PCDHA13: variants seen among roughly 807,000 people sequenced by gnomAD.
The protein encoded by PCDHA13 is protocadherin alpha-13.
Under a neutral mutation model 64.8 loss-of-function variants are expected in PCDHA13, and 54 were observed. The ratio of observed to expected loss-of-function variants is 0.83; its 90% CI spans 0.67 to 1.04. PCDHA13 has a LOEUF of 1.04. PCDHA13 is among the 50% of genes least tolerant of loss of function. The pLI is 0.00. For missense variants in PCDHA13, 1,248 were observed against 1,254.3 expected (o/e 0.99, Z 0.08); for synonymous variants, 587 against 564.4 (o/e 1.04, Z -0.57).
chr5:140,968,330 G>A (rs1314697989), intron 1 of PCDHA13: 2 of 1,613,974 alleles, frequency 1.2e-6, no homozygotes, highest in East Asian at 2.2e-5. Context: ...CACCTCCTAT[G>A]TCTCCATTAA....
At chr5:140,927,157 G>T (rs868936673) in intron 1 of PCDHA13, 1 of 1,614,146 alleles carries the variant, frequency 6.2e-7, no homozygotes, top group Admixed American at 1.7e-5. Flanking sequence ...GCTGTGCAGG[G>T]CCAAAGCTGC....
intron 1 of PCDHA13, among the ~76,000 whole-genome samples, chr5:140,901,078 T>TAAA (rs1554189579): frequency 6.6e-6 from 1 of 152,120 alleles, no homozygotes; most frequent in East Asian, 1.9e-4. Flanking sequence ...TTCTATAGAG[T>TAAA]TGTTTGAGCT....
At chr5:140,988,414 T>C (rs1554250128) in intron 3 of PCDHA13, among the ~76,000 whole-genome samples, 1 of 152,194 alleles carries the variant, frequency 6.6e-6, no homozygotes. Flanking sequence ...GCAGCTTATG[T>C]AAAGAATTTG....
chr5:140,929,245 A>G, intron 1 of PCDHA13: 1 of 1,613,774 alleles, frequency 6.2e-7, no homozygotes. Flanking sequence ...AAATCTTGCC[A>G]CTGGGGTAGG....
intron 3 of PCDHA13, among the ~76,000 whole-genome samples, chr5:140,984,149 G>C (rs2097089041): frequency 6.6e-6 from 1 of 152,198 alleles, no homozygotes; most frequent in Non-Finnish European, 1.5e-5. Context: ...CATCTGGGAA[G>C]GTGAGAACTT....
chr5:141,008,633 A>G (rs1212403774), intron 3 of PCDHA13, among the ~76,000 whole-genome samples: 1 of 152,212 alleles, frequency 6.6e-6, no homozygotes, highest in African/African-American at 2.4e-5. Context: ...AGTATAATTA[A>G]CAATTTCTTC....
At chr5:140,923,226 G>T (rs2081248805) in intron 1 of PCDHA13, among the ~76,000 whole-genome samples, 1 of 71,914 alleles carries the variant, frequency 1.4e-5, no homozygotes, top group Admixed American at 1.5e-4. Flanking sequence ...GATCGTTTGA[G>T]CCCAGAAGTT....
chr5:140,970,872 T>C (rs2096439604), intron 1 of PCDHA13, among the ~76,000 whole-genome samples: 3 of 152,158 alleles, frequency 2.0e-5, no homozygotes, highest in African/African-American at 7.2e-5. Flanking sequence ...TGATTGAGAG[T>C]AGATTTTTCT....
Position 140,892,963 on chromosome 5 carries a change from A to C in PCDHA13, c.2394+8301A>C, listed in dbSNP as rs138089244. Among the ~76,000 whole-genome samples, 29 of 152,284 alleles carry C rather than the reference A, an allele frequency of 1.9e-4. No individual in the cohort carries two copies. In the East Asian group the frequency reaches 5.6e-3, roughly 29 times the overall value. ...ACAATACTACTTCCATGAGCTCAAT[A>C]AAATTTTGTAGCTGCCGTATAAGTG... On this transcript the variant is annotated intron_variant, in intron 1 of 3. Transcript: ENST00000289272.
chr5:141,000,304 G>A (rs1225893261), intron 3 of PCDHA13, among the ~76,000 whole-genome samples: 1 of 147,530 alleles, frequency 6.8e-6, no homozygotes, highest in Non-Finnish European at 1.5e-5. Context: ...GAGGCCAGGA[G>A]TTCAAGACCA....
chr5:141,006,491 G>A (rs142641127), intron 3 of PCDHA13, among the ~76,000 whole-genome samples: 4,876 of 152,234 alleles, frequency 0.032, 273 homozygotes, highest in African/African-American at 0.11. Context: ...GGGATTACAT[G>A]TGTGAGCCAC....
intron 1 of PCDHA13, among the ~76,000 whole-genome samples, chr5:140,955,110 T>C (rs915501300): frequency 7.2e-5 from 11 of 152,274 alleles, no homozygotes; most frequent in African/African-American, 2.6e-4. Flanking sequence ...TTCTGAGTTC[T>C]CTATTCTGTT....
chr5:141,009,772 C>T lies in PCDHA13; in HGVS notation c.2688C>T (p.Ile896=). The T allele has an allele frequency of 1.9e-6, 3 of 1,614,158 alleles. No individual in the cohort carries two copies. Among genetic ancestry groups the T allele is most frequent in the Non-Finnish European group, 2.5e-6 (3 of 1,180,032 alleles). The stretch of plus-strand genomic sequence containing the variant: ...TCATTATCCCAGGATCTCCTGCAAT[C>T]ATCTCCATCCGGCAGGAGCCTACTA... ...DKFIIPGSPA[I]ISIRQEPTNS... Residue 896 remains isoleucine (I), a synonymous_variant, in exon 4 of 4, where the codon ATC becomes ATT. Coordinates refer to ENST00000289272, the MANE Select transcript of PCDHA13 (RefSeq NM_018904.3).
intron 1 of PCDHA13, among the ~76,000 whole-genome samples, chr5:140,914,693 G>C (rs1554196535): frequency 7.9e-5 from 12 of 151,662 alleles, no homozygotes; most frequent in Non-Finnish European, 1.8e-4. Flanking sequence ...TTCTCTGGTG[G>C]TATGATTTAA....
chr5:140,882,695 G>T lies in PCDHA13; in HGVS notation c.427G>T (p.Ala143Ser). Reference sequence around the variant, plus strand: ...TGAAAGCAAGAAACGAATAATCATTGCAGAATCTAGACCTCCGGAAACTCG... The same window carrying T: ...TGAAAGCAAGAAACGAATAATCATTTCAGAATCTAGACCTCCGGAAACTCG... ...FPESKKRIIIAESRPPETRFP... is the reference protein window; with the variant it reads ...FPESKKRIIISESRPPETRFP... The change falls in exon 1 of 4, where the codon GCA becomes TCA. Residue 143 changes from alanine (A) to serine (S), a missense_variant. Coordinates refer to ENST00000289272, the MANE Select transcript of PCDHA13 (RefSeq NM_018904.3). 1 of 1,614,192 alleles carries T rather than the reference G, an allele frequency of 6.2e-7. No homozygotes were observed. The highest frequency in any genetic ancestry group is 8.5e-7 in the Non-Finnish European group (1 of 1,180,046).
intron 1 of PCDHA13, among the ~76,000 whole-genome samples, chr5:140,918,920 G>A (rs1470075085): frequency 6.6e-6 from 1 of 152,204 alleles, no homozygotes; most frequent in Non-Finnish European, 1.5e-5. Context: ...TAACTACACA[G>A]CATATGGCAT....
intron 1 of PCDHA13, among the ~76,000 whole-genome samples, chr5:140,911,608 T>C (rs1045101856): frequency 1.3e-5 from 2 of 152,180 alleles, no homozygotes; most frequent in Non-Finnish European, 2.9e-5. Context: ...TTCATTATGT[T>C]CCTTAGTTCC....
At chr5:140,967,254 C>G in intron 1 of PCDHA13, 3 of 1,613,562 alleles carry the variant, frequency 1.9e-6, no homozygotes, top group Non-Finnish European at 2.5e-6. Context: ...TCGGTGGCGC[C>G]TGGAGCGCGC....
At chr5:140,892,013 C>T (rs2063353338) in intron 1 of PCDHA13, among the ~76,000 whole-genome samples, 1 of 152,206 alleles carries the variant, frequency 6.6e-6, no homozygotes, top group South Asian at 2.1e-4. Context: ...GTTATAGCAG[C>T]ACAAATGGTC....
Sources: allele counts gnomAD v4.1 joint callset (sites outside exome capture counted in the v4.1 genomes callset), GRCh38; gene constraint gnomAD v4.1.1; transcripts MANE v1.5; gene names NCBI Gene and HGNC (gene_info 2026-07-23, HGNC 2026-07-21).